STX2: variants seen among roughly 807,000 people sequenced by gnomAD.
The protein encoded by STX2 is syntaxin 2, also known as syntaxin-2.
In STX2, 27 loss-of-function variants were observed where a neutral mutation model predicts 40.6. The observed-to-expected ratio is 0.66, with a 90% confidence interval of 0.49 to 0.92. STX2 has a LOEUF of 0.92. Ranked by LOEUF, STX2 falls within the 40% of genes least tolerant of loss-of-function variation. The pLI, the probability that STX2 is intolerant of heterozygous loss-of-function variation, is 0.00. For missense variants in STX2, 328 were observed against 366.1 expected (o/e 0.90, Z 0.85); for synonymous variants, 123 against 119.1 (o/e 1.03, Z -0.22).
chr12:130,813,581 G>A, intron 3 of STX2, among the ~76,000 whole-genome samples: 1 of 152,204 alleles, frequency 6.6e-6, no homozygotes, highest in Non-Finnish European at 1.5e-5. Flanking sequence ...CAAGCAGGGG[G>A]CGATGGAGGC....
chr12:130,794,159 A>G lies in STX2; in HGVS notation c.*45+1836T>C, dbSNP rs185780998. Among the ~76,000 whole-genome samples, 76 of 117,548 alleles carry G rather than the reference A, an allele frequency of 6.5e-4. No individual in the cohort carries two copies. The East Asian group carries it at 0.04, about 62-fold the overall frequency. 77.1% of individuals were successfully genotyped at this position (117,548 alleles called of 152,430 possible). A position where few individuals can be genotyped will look rare whatever the true frequency, so the allele number is the denominator to read the frequency against. ...CTAACCATATTATAGCTACTAGGAA[A>G]AAACTCAGAAAGTACATGTTAGAAT... On this transcript the variant is annotated intron_variant, in intron 10 of 10. Coordinates refer to ENST00000392373, the MANE Select transcript of STX2 (RefSeq NM_194356.4).
At position 130,801,429 on chromosome 12, in the gene STX2, T is replaced by C. The variant is rs368664343; in HGVS notation, c.523A>G (p.Ile175Val). The C allele has an allele frequency of 3.0e-5, 49 of 1,610,648 alleles. No individual in the cohort carries two copies. The highest frequency in any genetic ancestry group is 4.2e-5 in the Non-Finnish European group (49 of 1,178,226). Residue 175 changes from isoleucine to valine, a missense_variant, in exon 7 of 11, where the codon ATC (isoleucine) becomes GTC (valine). Ile to Val is a conservative substitution (Grantham distance 29, BLOSUM62 3). Coordinates refer to ENST00000392373, the MANE Select transcript of STX2 (RefSeq NM_194356.4). ...EEMLESGKPS[I>V]FTSDIISDSQ... ...CCCCCACTCACGTCGGAAGTGAAGA[T>C]GGATGGCTTCCCGCTCTCCAGCATC...
chr12:130,820,144 T>C lies in STX2; in HGVS notation c.205+1545A>G, dbSNP rs528419095. The stretch of plus-strand genomic sequence containing the variant: ...TGCCCCCATCACCACTTCTATTCAA[T>C]ACTGTACTGGAGGTCAGCTAAATAA... On this transcript the variant is annotated intron_variant, in intron 3 of 10. Transcript: ENST00000392373. Among the ~76,000 whole-genome samples the C allele has an allele frequency of 3.9e-5, 6 of 152,306 alleles. No homozygotes were observed. The South Asian group carries it at 1.2e-3, about 32-fold the overall frequency.
chr12:130,792,207 C>A (rs1356181584), intron 10 of STX2, among the ~76,000 whole-genome samples: 1 of 152,044 alleles, frequency 6.6e-6, no homozygotes, highest in African/African-American at 2.4e-5. Flanking sequence ...ACTACAGGAA[C>A]CCGCCACCAC....
intron 1 of STX2, among the ~76,000 whole-genome samples, chr12:130,829,893 GCCCCGGGCCATAAAAGTGCTTCA>G (rs1381164360): frequency 6.6e-6 from 1 of 152,174 alleles, no homozygotes; most frequent in Admixed American, 6.5e-5. Flanking sequence ...GTGGCCCTGA[GCCCCGGGCCATAAAAGTGCTTCA>G]CCCCACCCTG....
intron 2 of STX2, among the ~76,000 whole-genome samples, chr12:130,822,192 G>A (rs554588153): frequency 6.6e-6 from 1 of 152,236 alleles, no homozygotes; most frequent in East Asian, 1.9e-4. Flanking sequence ...CAAGGCAGGC[G>A]GATCACTTGA....
chr12:130,807,518 C>A (rs373882228), intron 5 of STX2, among the ~76,000 whole-genome samples: 1 of 151,808 alleles, frequency 6.6e-6, no homozygotes, highest in Non-Finnish European at 1.5e-5. Context: ...GGCAGGCGGA[C>A]CCCAGAGCCT....
At chr12:130,804,364 C>T (rs182355364) in intron 6 of STX2, among the ~76,000 whole-genome samples, 5 of 152,320 alleles carry the variant, frequency 3.3e-5, no homozygotes, top group Admixed American at 2.0e-4. Flanking sequence ...GCAAAACCAC[C>T]GTGATGACCG....
chr12:130,793,761 C>T (rs1950946557), intron 10 of STX2, among the ~76,000 whole-genome samples: 1 of 152,210 alleles, frequency 6.6e-6, no homozygotes, highest in Non-Finnish European at 1.5e-5. Flanking sequence ...ACCTGGCACA[C>T]CCTGCAGGGA....
chr12:130,825,862 C>T (rs559084709), intron 2 of STX2, among the ~76,000 whole-genome samples: 6 of 152,210 alleles, frequency 3.9e-5, no homozygotes, highest in South Asian at 2.1e-4. Context: ...ACCCACTGGA[C>T]GTGTGTTTTC....
At chr12:130,800,057 G>C (rs927810476) in intron 8 of STX2, among the ~76,000 whole-genome samples, 1 of 152,100 alleles carries the variant, frequency 6.6e-6, no homozygotes, top group African/African-American at 2.4e-5. Flanking sequence ...GGACAAGTGA[G>C]GAAACCATTT....
At chr12:130,801,511 C>A in intron 6 of STX2, 23 bp from the exon 7 acceptor site, 1 of 1,578,560 alleles carries the variant, frequency 6.3e-7, no homozygotes, top group Non-Finnish European at 8.6e-7. Context: ...CAACCACAGC[C>A]CCACTCAGAA....
rs142052995 is a variant in STX2, at chr12:130,822,196, C to G, written c.106-408G>C. 4.5e-3 allele frequency among the ~76,000 whole-genome samples: 688 copies of G among 152,220 alleles called. 9 individuals are homozygous for G. The highest frequency in any genetic ancestry group is 0.016 in the African/African-American group (660 of 41,542). On this transcript the variant is annotated intron_variant, in intron 2 of 10. Coordinates refer to ENST00000392373, the MANE Select transcript of STX2 (RefSeq NM_194356.4). The stretch of plus-strand genomic sequence containing the variant: ...CTGTGGGAGGCCAAGGCAGGCGGAT[C>G]ACTTGAGGCCAGGAGTTCAGGACCA...
intron 6 of STX2, among the ~76,000 whole-genome samples, chr12:130,803,462 C>T (rs1463943327): frequency 1.3e-5 from 2 of 152,044 alleles, no homozygotes; most frequent in East Asian, 1.9e-4. Flanking sequence ...ATCATCAAAA[C>T]TAGAAATTTC....
chr12:130,791,866 G>A lies in STX2; in HGVS notation c.*157C>T. ...TGATTTGGTTGCAGATGTGGTCTGAGTCTCAAGGATAAATGGCTCTTGGGA... is the reference window on the plus strand; with the variant it reads ...TGATTTGGTTGCAGATGTGGTCTGAATCTCAAGGATAAATGGCTCTTGGGA... On this transcript the variant is annotated 3_prime_UTR_variant, in exon 11 of 11. Coordinates refer to ENST00000392373, the MANE Select transcript of STX2 (RefSeq NM_194356.4). 1.3e-6 allele frequency: 2 copies of A among 1,579,062 alleles called. No homozygotes were observed. Among genetic ancestry groups the A allele is most frequent in the Non-Finnish European group, 1.7e-6 (2 of 1,150,754 alleles).
At chr12:130,828,725 G>A (rs181809761) in intron 1 of STX2, among the ~76,000 whole-genome samples, 113 of 151,722 alleles carry the variant, frequency 7.4e-4, no homozygotes, top group Middle Eastern at 3.4e-3. Flanking sequence ...AAAATTAGCC[G>A]GGCGCAGTAG....
chr12:130,827,264 T>C lies in STX2; in HGVS notation c.34A>G (p.Arg12Gly). 1 of 1,612,940 alleles carries C rather than the reference T, an allele frequency of 6.2e-7. No homozygotes were observed. Among genetic ancestry groups the C allele is most frequent in the South Asian group, 1.1e-5 (1 of 91,004 alleles). ...ACTGTGTCTCCATCATCATTCTTCC[T>C]ACACTACAATGAAAAATGGAAAATT... ...RDRLPDLTAC[R>G]KNDDGDTVVV... Residue 12 changes from arginine to glycine, a missense_variant, in exon 2 of 11, where the codon AGG becomes GGG. Transcript: ENST00000392373.
At chr12:130,837,581 GCCT>G (rs1405813910) in intron 1 of STX2, among the ~76,000 whole-genome samples, 1 of 152,064 alleles carries the variant, frequency 6.6e-6, no homozygotes, top group African/African-American at 2.4e-5. Flanking sequence ...ACTGCGACTG[GCCT>G]CCTGCTAATT....
At chr12:130,835,563 T>C (rs181525220) in intron 1 of STX2, among the ~76,000 whole-genome samples, 2 of 152,328 alleles carry the variant, frequency 1.3e-5, no homozygotes, top group African/African-American at 2.4e-5. Context: ...GGTTATCTTA[T>C]AGAATAGCTA....
Sources: gnomAD v4.1 joint callset for allele counts (sites outside exome capture counted in the v4.1 genomes callset) on GRCh38, gnomAD v4.1.1 for gene constraint, MANE v1.5 for transcripts, NCBI Gene and HGNC (gene_info 2026-07-23, HGNC 2026-07-21) for gene names.